Variants in RUNDC3B observed in about 807,000 individuals in gnomAD.
RUNDC3B encodes the protein RUN domain-containing protein 3B.
A neutral mutation model predicts 58.4 loss-of-function variants in RUNDC3B; 33 were observed. The ratio of observed to expected loss-of-function variants is 0.56; its 90% CI spans 0.43 to 0.75. The LOEUF is 0.75. Among genes scored for constraint, RUNDC3B ranks in the 30% least tolerant of loss-of-function variants. The pLI is 0.00. For synonymous variants in RUNDC3B, 193 were observed against 195.2 expected, an observed-to-expected ratio of 0.99 and a Z score of 0.10; for missense variants, 501 against 535.7, an observed-to-expected ratio of 0.94 and a Z score of 0.64.
intron 8 of RUNDC3B, among the ~76,000 whole-genome samples, chr7:87,785,339 A>G (rs1835153572): frequency 6.6e-6 from 1 of 152,028 alleles, no homozygotes; most frequent in African/African-American, 2.4e-5. Context: ...CTCCCTTGGC[A>G]GCACATGAAC....
At chr7:87,798,643 G>T (rs563810569) in intron 8 of RUNDC3B, among the ~76,000 whole-genome samples, 1 of 151,846 alleles carries the variant, frequency 6.6e-6, no homozygotes, top group East Asian at 1.9e-4. Context: ...AAGGAGCCAG[G>T]GTTTATTTTA....
In RUNDC3B at chr7:87,807,521, T is replaced by C; in HGVS notation, c.1103+2T>C. ...AAAACACAATAAACAGTGGTATGAG[T>C]AAGTGTAATACTTTTTTTTCCAACT... On this transcript the variant is annotated splice_donor_variant, in intron 9 of 10. Coordinates refer to ENST00000394654, the MANE Select transcript of RUNDC3B (RefSeq NM_001134405.2). LOFTEE classifies it high-confidence loss of function. 1.2e-6 allele frequency: 2 copies of C among 1,609,548 alleles called. No individual in the cohort carries two copies. The highest frequency in any genetic ancestry group is 1.7e-6 in the Non-Finnish European group (2 of 1,175,944).
chr7:87,715,138 T>C (rs1351319368), intron 4 of RUNDC3B, among the ~76,000 whole-genome samples: 1 of 147,396 alleles, frequency 6.8e-6, no homozygotes, highest in African/African-American at 2.5e-5. Context: ...ATAACTCCAG[T>C]GAAGCCACAG....
intron 1 of RUNDC3B, among the ~76,000 whole-genome samples, chr7:87,637,537 G>A (rs201712283): frequency 5.9e-5 from 9 of 152,042 alleles, no homozygotes; most frequent in Non-Finnish European, 1.0e-4. Context: ...TAAGACTTAC[G>A]TGCAACCCAT....
chr7:87,729,778 CA>C (rs1442025994), intron 4 of RUNDC3B, among the ~76,000 whole-genome samples: 2 of 152,176 alleles, frequency 1.3e-5, no homozygotes, highest in East Asian at 3.8e-4. Context: ...ATCGCTGCCC[CA>C]AACACAGGCA....
rs377276766 is a variant in RUNDC3B at position 87,770,606 on chromosome 7, G to T, written c.655G>T (p.Glu219Ter). ...QSSDSISSDE[E>*]ELRTLGSSGS... ...TTCTGATAGTATCAGCAGTGATGAGGAGGAGCTAAGGACTTTGGGAAGCAG... is the reference window on the plus strand; with the variant it reads ...TTCTGATAGTATCAGCAGTGATGAGTAGGAGCTAAGGACTTTGGGAAGCAG... The change falls in exon 7 of 11, where the codon GAG becomes TAG. Residue 219 changes from glutamate to a stop codon, truncating the protein, a stop_gained. Transcript: ENST00000394654. LOFTEE classifies it high-confidence loss of function. The T allele has an allele frequency of 2.5e-6, 4 of 1,613,422 alleles. No homozygotes were observed. Among genetic ancestry groups the T allele is most frequent in the Admixed American group, 1.7e-5 (1 of 59,942 alleles).
Position 87,707,968 on chromosome 7 carries a change from T to C in RUNDC3B, c.373-2602T>C, listed in dbSNP as rs529837481. On this transcript the variant is annotated intron_variant, in intron 3 of 10. Coordinates refer to ENST00000394654, the MANE Select transcript of RUNDC3B (RefSeq NM_001134405.2). ...AAATCACAATTGAAATTGAAAAATA[T>C]TTGGAAAGTACTGATAATGAAAATA... Among the ~76,000 whole-genome samples, 8 of 152,018 alleles carry C rather than the reference T, an allele frequency of 5.3e-5. No homozygotes were observed. In the South Asian group the frequency reaches 1.7e-3, roughly 31 times the overall value.
At chr7:87,687,512 C>T (rs1160609785) in intron 2 of RUNDC3B, among the ~76,000 whole-genome samples, 1 of 152,054 alleles carries the variant, frequency 6.6e-6, no homozygotes, top group Non-Finnish European at 1.5e-5. Context: ...TATTATCTTT[C>T]TTCACCTCCA....
intron 6 of RUNDC3B, among the ~76,000 whole-genome samples, chr7:87,764,355 T>C (rs76540606): frequency 6.6e-6 from 1 of 151,900 alleles, no homozygotes; most frequent in Admixed American, 6.6e-5. Context: ...ATCAATAGCT[T>C]TATTAGCTTA....
intron 7 of RUNDC3B, among the ~76,000 whole-genome samples, chr7:87,773,949 A>G (rs997347281): frequency 6.6e-6 from 1 of 152,286 alleles, no homozygotes; most frequent in African/African-American, 2.4e-5. Flanking sequence ...AAGTGCTGGT[A>G]TTATAGGCAT....
chr7:87,747,625 TG>T (rs2130824143), intron 6 of RUNDC3B, among the ~76,000 whole-genome samples: 1 of 152,182 alleles, frequency 6.6e-6, no homozygotes, highest in African/African-American at 2.4e-5. Flanking sequence ...TAGGCGTGTC[TG>T]AGCTCAGACT....
intron 8 of RUNDC3B, among the ~76,000 whole-genome samples, chr7:87,805,498 A>G (rs1836391527): frequency 6.6e-6 from 1 of 152,156 alleles, no homozygotes; most frequent in Admixed American, 6.5e-5. Flanking sequence ...TGCTCATAGA[A>G]AACATCATTA....
At chr7:87,677,759 A>G (rs1210826860) in intron 2 of RUNDC3B, among the ~76,000 whole-genome samples, 1 of 152,216 alleles carries the variant, frequency 6.6e-6, no homozygotes, top group African/African-American at 2.4e-5. Context: ...CAAACTTCTA[A>G]ACATAGAAGA....
chr7:87,717,536 T>C (rs547719410), intron 4 of RUNDC3B, among the ~76,000 whole-genome samples: 5 of 152,032 alleles, frequency 3.3e-5, no homozygotes, highest in Non-Finnish European at 7.4e-5. Context: ...ACATGACATA[T>C]GATGCATTTA....
At chr7:87,741,388 C>G in intron 5 of RUNDC3B, 111 bp from the exon 6 acceptor site, 1 of 568,474 alleles carries the variant, frequency 1.8e-6, no homozygotes, top group South Asian at 3.0e-5. Context: ...CAAAAAAATT[C>G]GCTTGCCATT....
At chr7:87,751,054 G>C (rs1832951303) in intron 6 of RUNDC3B, among the ~76,000 whole-genome samples, 1 of 152,092 alleles carries the variant, frequency 6.6e-6, no homozygotes. Flanking sequence ...ATTGATTTTT[G>C]TATAAGGTGT....
Position 87,700,637 on chromosome 7 carries a change from C to T in RUNDC3B, c.372+83C>T. The T allele has an allele frequency of 4.7e-6, 6 of 1,273,624 alleles. No individual in the cohort carries two copies. The South Asian group carries it at 8.6e-5, about 18-fold the overall frequency. 78.9% of individuals were successfully genotyped at this position (1,273,624 alleles called of 1,614,324 possible). On this transcript the variant is annotated intron_variant, in intron 3 of 10. Transcript: ENST00000394654. ...TAGCAGGAAGGTGTGAAGCTACTTA[C>T]TATGAATTTCCTTTTCTTAAGAAGC...
chr7:87,765,505 A>T (rs1436644387), intron 6 of RUNDC3B, among the ~76,000 whole-genome samples: 1 of 151,676 alleles, frequency 6.6e-6, no homozygotes, highest in Non-Finnish European at 1.5e-5. Flanking sequence ...GTCTCTTTTC[A>T]TTTGTTTCAA....
At chr7:87,647,746 T>A (rs1190288115) in intron 1 of RUNDC3B, among the ~76,000 whole-genome samples, 1 of 152,052 alleles carries the variant, frequency 6.6e-6, no homozygotes, top group Admixed American at 6.6e-5. Context: ...AACCATTACA[T>A]AACTAACAAA....
Sources: gnomAD v4.1 joint callset for allele counts (sites outside exome capture counted in the v4.1 genomes callset) on GRCh38, gnomAD v4.1.1 for gene constraint, MANE v1.5 for transcripts, NCBI Gene and HGNC (gene_info 2026-07-23, HGNC 2026-07-21) for gene names.